The following MYO16 variants were observed in gnomAD, a reference collection of about 807,000 sequenced individuals.
MYO16 encodes the protein myosin XVI, also known as unconventional myosin-XVI.
A neutral mutation model predicts 205.3 loss-of-function variants in MYO16; 94 were observed. The ratio of observed to expected loss-of-function variants is 0.46; its 90% CI spans 0.39 to 0.54. The LOEUF (loss-of-function observed/expected upper bound fraction) is 0.54, where lower values mean the gene tolerates loss of function less well. Ranked by LOEUF, MYO16 falls within the 20% of genes least tolerant of loss-of-function variation. The pLI, the probability that MYO16 is intolerant of heterozygous loss-of-function variation, is 0.00. For missense variants in MYO16, 2,315 were observed against 2,387.5 expected (o/e 0.97, Z 0.63); for synonymous variants, 988 against 954.0 (o/e 1.04, Z -0.66).
At chr13:108,731,677 CTATT>C (rs1443158236) in intron 4 of MYO16, among the ~76,000 whole-genome samples, 2 of 152,176 alleles carry the variant, frequency 1.3e-5, no homozygotes, top group African/African-American at 4.8e-5. Context: ...AGTAATATAT[CTATT>C]AGTTGCTCTC....
Position 109,140,673 on chromosome 13 carries a change from G to A in MYO16, c.4461G>A (p.Glu1487=). ...ASPPLLHRAP[E]DEAAGPPGDA... ...CGCCCCTGCTCCACCGCGCGCCGGA[G>A]GACGAGGCGGCGGGGCCCCCAGGGG... Residue 1487 remains glutamate (E), a synonymous_variant, in exon 32 of 35, where the codon GAG becomes GAA. Transcript: ENST00000457511. The surrounding 1 kb of genome is among the most constrained non-coding windows in gnomAD (Gnocchi z 8.0). 1.3e-6 allele frequency: 2 copies of A among 1,486,190 alleles called. No individual in the cohort carries two copies. Among genetic ancestry groups the A allele is most frequent in the Non-Finnish European group, 1.8e-6 (2 of 1,122,024 alleles). 92.1% of individuals were successfully genotyped at this position (1,486,190 alleles called of 1,614,324 possible). A position where few individuals can be genotyped will look rare whatever the true frequency, so the allele number is the denominator to read the frequency against.
At chr13:109,073,685 A>G (rs1166781054) in intron 27 of MYO16, among the ~76,000 whole-genome samples, 1 of 152,220 alleles carries the variant, frequency 6.6e-6, no homozygotes, top group East Asian at 1.9e-4. Context: ...AATGTTATAT[A>G]CATTGACCAA....
intron 12 of MYO16, among the ~76,000 whole-genome samples, chr13:108,866,974 C>A (rs2139127077): frequency 6.6e-6 from 1 of 151,934 alleles, no homozygotes; most frequent in Admixed American, 6.6e-5. Flanking sequence ...CCTAGGAAAT[C>A]AAATATGTAT....
At chr13:108,750,901 A>T (rs183469518) in intron 4 of MYO16, among the ~76,000 whole-genome samples, 1 of 152,312 alleles carries the variant, frequency 6.6e-6, no homozygotes, top group African/African-American at 2.4e-5. Context: ...TCATTGATGC[A>T]GTGGGAATTT....
chr13:108,930,162 A>G (rs565638597), intron 16 of MYO16, among the ~76,000 whole-genome samples: 2 of 152,320 alleles, frequency 1.3e-5, no homozygotes, highest in African/African-American at 4.8e-5. Context: ...TAAGGGGATA[A>G]TTGTGTATAG....
At chr13:108,527,451 A>G in the MYO16 span, among the ~76,000 whole-genome samples, 1 of 152,196 alleles carries the variant, frequency 6.6e-6, no homozygotes. Context: ...AATTATTTGC[A>G]TGACTCCTTA....
intron 29 of MYO16, among the ~76,000 whole-genome samples, chr13:109,124,109 C>T (rs1446230918): frequency 1.3e-5 from 2 of 152,212 alleles, no homozygotes; most frequent in East Asian, 3.8e-4. Flanking sequence ...TGTACACACT[C>T]AGGGCCCAGG....
chr13:108,587,556 T>C, the MYO16 span, among the ~76,000 whole-genome samples: 2 of 152,210 alleles, frequency 1.3e-5, no homozygotes, highest in African/African-American at 4.8e-5. Flanking sequence ...AATTTTGATA[T>C]TCTATAAATT....
chr13:108,789,116 T>C (rs1190611646), intron 5 of MYO16, among the ~76,000 whole-genome samples: 1 of 152,232 alleles, frequency 6.6e-6, no homozygotes, highest in East Asian at 1.9e-4. Flanking sequence ...TATCTCGACT[T>C]GAGTGTCAGA....
rs1027844123 is a variant in MYO16, at chr13:108,659,902, T to C, written c.29-5984T>C. 2.0e-5 allele frequency among the ~76,000 whole-genome samples: 3 copies of C among 152,228 alleles called. No individual in the cohort carries two copies. In the South Asian group the frequency reaches 6.2e-4, roughly 32 times the overall value. ...AATTGTATTTTAGGAAATCGATTAG[T>C]ATAGATATTAGTATAATGTACGGTT... On this transcript the variant is annotated intron_variant, in intron 1 of 34. Coordinates refer to ENST00000457511, the MANE Select transcript of MYO16 (RefSeq NM_001198950.3).
intron 12 of MYO16, among the ~76,000 whole-genome samples, chr13:108,874,730 AT>A (rs1278175874): frequency 7.0e-5 from 10 of 143,072 alleles, no homozygotes; most frequent in Non-Finnish European, 1.2e-4. Flanking sequence ...TATTATTATT[AT>A]TATTATATGT....
chr13:108,671,920 T>A (rs1882005230), intron 2 of MYO16, among the ~76,000 whole-genome samples: 1 of 152,124 alleles, frequency 6.6e-6, no homozygotes. Flanking sequence ...TACCATCACA[T>A]GAGGGTTAGG....
chr13:109,075,002 C>G (rs1888045846), intron 27 of MYO16, among the ~76,000 whole-genome samples: 1 of 152,180 alleles, frequency 6.6e-6, no homozygotes, highest in African/African-American at 2.4e-5. Flanking sequence ...TTCCTTCACT[C>G]AGCATCATAA....
chr13:109,105,688 GAGAAA>G (rs1316092392), intron 28 of MYO16, among the ~76,000 whole-genome samples: 1 of 152,174 alleles, frequency 6.6e-6, no homozygotes, highest in African/African-American at 2.4e-5. Context: ...AAACATTTGT[GAGAAA>G]GCTGTAAGTC....
chr13:109,135,529 T>C (rs1356539469), intron 31 of MYO16, among the ~76,000 whole-genome samples: 2 of 152,128 alleles, frequency 1.3e-5, no homozygotes, highest in Non-Finnish European at 2.9e-5. Context: ...TGCTATGTTG[T>C]CCAAGCTGGA....
chr13:108,916,433 T>C (rs1881498053), intron 16 of MYO16, among the ~76,000 whole-genome samples: 1 of 152,228 alleles, frequency 6.6e-6, no homozygotes, highest in Non-Finnish European at 1.5e-5. Flanking sequence ...AATACTGTCT[T>C]TATCTCCTCG....
intron 8 of MYO16, among the ~76,000 whole-genome samples, chr13:108,822,674 G>A (rs1207913113): frequency 6.6e-6 from 1 of 152,114 alleles, no homozygotes; most frequent in Admixed American, 6.6e-5. Flanking sequence ...ATACAACTGA[G>A]TATTTACTTG....
At chr13:108,972,348 AGC>A (rs1884071317) in intron 20 of MYO16, among the ~76,000 whole-genome samples, 1 of 13,016 alleles carries the variant, frequency 7.7e-5, no homozygotes, top group African/African-American at 3.6e-4. Flanking sequence ...ATATATATAT[AGC>A]CATATATATA....
chr13:109,166,590 C>G (rs923905169), intron 33 of MYO16: 1 of 152,188 alleles, frequency 6.6e-6, no homozygotes, highest in Admixed American at 6.5e-5. Context: ...GAAAGAGCAC[C>G]AGGAAACAGA....
Sources: allele counts gnomAD v4.1 joint callset (sites outside exome capture counted in the v4.1 genomes callset), GRCh38; gene constraint gnomAD v4.1.1; non-coding constraint Gnocchi (gnomAD v3.1); transcripts MANE v1.5; gene names NCBI Gene and HGNC (gene_info 2026-07-23, HGNC 2026-07-21).